Variants in USH2A observed in about 807,000 individuals in gnomAD.
USH2A encodes the protein usherin.
In USH2A, 443 loss-of-function variants were observed where a neutral mutation model predicts 538.9. The ratio of observed to expected loss-of-function variants is 0.82; its 90% CI spans 0.76 to 0.89. The LOEUF (loss-of-function observed/expected upper bound fraction) is 0.89. USH2A is among the 40% of genes least tolerant of loss of function. USH2A has a pLI of 0.00. For missense variants in USH2A, 6,633 were observed against 6,324.8 expected, an observed-to-expected ratio of 1.05 and a Z score of -1.65; for synonymous variants, 2,413 against 2,273.5, an observed-to-expected ratio of 1.06 and a Z score of -1.75.
At chr1:216,038,245 A>G (rs1571908314) in intron 32 of USH2A, among the ~76,000 whole-genome samples, 1 of 152,100 alleles carries the variant, frequency 6.6e-6, no homozygotes, top group South Asian at 2.1e-4. Context: ...TAAAACATCA[A>G]TGATTTCACT....
intron 61 of USH2A, among the ~76,000 whole-genome samples, chr1:215,722,056 C>G (rs769996147): frequency 7.8e-6 from 1 of 128,788 alleles, no homozygotes. Flanking sequence ...CAGAGCAAGA[C>G]CCTGTCTCTT....
intron 11 of USH2A, among the ~76,000 whole-genome samples, chr1:216,268,144 G>T (rs2036510343): frequency 6.6e-6 from 1 of 152,058 alleles, no homozygotes; most frequent in Non-Finnish European, 1.5e-5. Flanking sequence ...TTCTGTGGCT[G>T]CAGTCCTGCC....
At chr1:216,094,119 A>T (rs2032380410) in intron 22 of USH2A, among the ~76,000 whole-genome samples, 1 of 152,186 alleles carries the variant, frequency 6.6e-6, no homozygotes, top group Admixed American at 6.5e-5. Context: ...TTGAAGGGGA[A>T]AAAGCAGAGC....
At chr1:216,239,714 T>C (rs2035897029) in intron 13 of USH2A, among the ~76,000 whole-genome samples, 1 of 151,998 alleles carries the variant, frequency 6.6e-6, no homozygotes, top group Non-Finnish European at 1.5e-5. Flanking sequence ...GGAAGAAAGA[T>C]AAAGGGGAGT....
At chr1:216,013,368 A>G (rs6695617) in intron 32 of USH2A, among the ~76,000 whole-genome samples, 1 of 151,010 alleles carries the variant, frequency 6.6e-6, no homozygotes, top group Non-Finnish European at 1.5e-5. Context: ...ATCGCCCATT[A>G]TCTCTCCATA....
intron 22 of USH2A, among the ~76,000 whole-genome samples, chr1:216,094,408 A>T (rs2032388519): frequency 6.6e-6 from 1 of 152,060 alleles, no homozygotes; most frequent in Admixed American, 6.6e-5. Flanking sequence ...AGAACTTTTA[A>T]TTCACTCATC....
chr1:216,294,964 C>A (rs1411906604), intron 9 of USH2A, among the ~76,000 whole-genome samples: 1 of 151,566 alleles, frequency 6.6e-6, no homozygotes, highest in Non-Finnish European at 1.5e-5. Flanking sequence ...AGATTTAGTT[C>A]ATAATTTTAA....
At chr1:216,336,922 A>G (rs1465676942) in intron 4 of USH2A, among the ~76,000 whole-genome samples, 1 of 151,510 alleles carries the variant, frequency 6.6e-6, no homozygotes, top group Non-Finnish European at 1.5e-5. Context: ...TGGATTGGAT[A>G]ACTTCGACAA....
At chr1:215,697,951 A>G in intron 61 of USH2A, among the ~76,000 whole-genome samples, 1 of 152,038 alleles carries the variant, frequency 6.6e-6, no homozygotes, top group South Asian at 2.1e-4. Flanking sequence ...TACATTAGGT[A>G]TTTCTCCTAA....
At chr1:216,218,873 A>G (rs2035396623) in intron 14 of USH2A, among the ~76,000 whole-genome samples, 1 of 152,092 alleles carries the variant, frequency 6.6e-6, no homozygotes, top group Non-Finnish European at 1.5e-5. Flanking sequence ...TATAGATGCA[A>G]AAATACTTGA....
chr1:215,826,177 G>A (rs1180976047), intron 47 of USH2A, among the ~76,000 whole-genome samples: 2 of 152,200 alleles, frequency 1.3e-5, no homozygotes, highest in East Asian at 3.9e-4. Flanking sequence ...AAGATGGCTA[G>A]GTTTGAGCTA....
intron 9 of USH2A, among the ~76,000 whole-genome samples, chr1:216,318,678 G>T (rs547175229): frequency 1.3e-5 from 2 of 152,092 alleles, no homozygotes; most frequent in Admixed American, 1.3e-4. Context: ...TGTCAAGGAG[G>T]AAAATAACAA....
Position 216,196,544 on chromosome 1 carries a change from T to C in USH2A, c.4251+9A>G, listed in dbSNP as rs377683273. The C allele has an allele frequency of 6.2e-6, 10 of 1,613,120 alleles. No individual in the cohort carries two copies. In the African/African-American group the frequency reaches 1.3e-4, roughly 22 times the overall value. On this transcript the variant is annotated intron_variant, in intron 19 of 71. Coordinates refer to ENST00000307340, the MANE Select transcript of USH2A (RefSeq NM_206933.4). The stretch of plus-strand genomic sequence containing the variant: ...ATTCTGAAAGGACATTAGTTAAAAA[T>C]AACAATACCTGTGAAAACGCCATGG...
At chr1:215,857,948 T>C (rs988442086) in intron 44 of USH2A, among the ~76,000 whole-genome samples, 3 of 152,170 alleles carry the variant, frequency 2.0e-5, no homozygotes, top group Non-Finnish European at 4.4e-5. Context: ...GTTGCTCTGG[T>C]GTCCCCTTGG....
At chr1:215,836,268 A>ATTCTGGGTAAAG (rs1315526286) in intron 47 of USH2A, among the ~76,000 whole-genome samples, 1 of 150,688 alleles carries the variant, frequency 6.6e-6, no homozygotes, top group Non-Finnish European at 1.5e-5. Flanking sequence ...TTCACTGATA[A>ATTCTGGGTAAAG]TTCTGGGTAA....
intron 4 of USH2A, among the ~76,000 whole-genome samples, chr1:216,337,290 T>A (rs1417485215): frequency 6.6e-6 from 1 of 151,394 alleles, no homozygotes; most frequent in African/African-American, 2.4e-5. Flanking sequence ...GATATTCTTT[T>A]GATGCTAATT....
rs1424764156 is a variant in USH2A at position 216,081,891 on chromosome 1, C to A, written c.5298+1565G>T. 4.0e-5 allele frequency among the ~76,000 whole-genome samples: 6 copies of A among 151,568 alleles called. No homozygotes were observed. The East Asian group carries it at 1.2e-3, about 29-fold the overall frequency. The stretch of plus-strand genomic sequence containing the variant: ...GAATTATAGGGGTGAGCCACTGCAC[C>A]CAGCCTTAATTTTTTAATTTTTTTT... On this transcript the variant is annotated intron_variant, in intron 26 of 71. Coordinates refer to ENST00000307340, the MANE Select transcript of USH2A (RefSeq NM_206933.4).
At chr1:215,848,929 T>A (rs969813723) in intron 44 of USH2A, among the ~76,000 whole-genome samples, 1 of 152,152 alleles carries the variant, frequency 6.6e-6, no homozygotes, top group Non-Finnish European at 1.5e-5. Flanking sequence ...CAGTGAACCA[T>A]CTAAGAAACA....
chr1:215,937,874 T>C (rs2102502815), intron 37 of USH2A, among the ~76,000 whole-genome samples: 1 of 152,034 alleles, frequency 6.6e-6, no homozygotes, highest in East Asian at 1.9e-4. Flanking sequence ...TGAAGTTTTT[T>C]CCATTGCATT....
Sources: allele counts gnomAD v4.1 joint callset (sites outside exome capture counted in the v4.1 genomes callset), GRCh38; gene constraint gnomAD v4.1.1; transcripts MANE v1.5; gene names NCBI Gene and HGNC (gene_info 2026-07-23, HGNC 2026-07-21).